The following CDK14 variants were observed in gnomAD, a reference collection of about 807,000 sequenced individuals.
CDK14 encodes cyclin-dependent kinase 14.
CDK14 carries 34 observed loss-of-function variants against 60.7 expected under a neutral mutation model. The ratio of observed to expected loss-of-function variants is 0.56; its 90% CI spans 0.43 to 0.75. CDK14 has a LOEUF of 0.75. CDK14 is among the 30% of genes least tolerant of loss of function. The pLI is 0.00. For synonymous variants in CDK14, 197 were observed against 203.7 expected (o/e 0.97, Z 0.28); for missense variants, 482 against 564.1 (o/e 0.85, Z 1.47).
chr7:90,810,312 C>G (rs1216531393), intron 5 of CDK14, among the ~76,000 whole-genome samples: 1 of 152,074 alleles, frequency 6.6e-6, no homozygotes. Flanking sequence ...AAGGCTGGTT[C>G]AACATATGCA....
At chr7:90,849,774 G>C (rs1332746888) in intron 5 of CDK14, among the ~76,000 whole-genome samples, 2 of 151,910 alleles carry the variant, frequency 1.3e-5, no homozygotes, top group Non-Finnish European at 2.9e-5. Context: ...TACTGCACAG[G>C]GTACTTAAAC....
Position 90,984,228 on chromosome 7 carries a change from A to C in CDK14, c.1028A>C (p.Glu343Ala). 1 of 1,609,418 alleles carries C rather than the reference A, an allele frequency of 6.2e-7. No homozygotes were observed. Among genetic ancestry groups the C allele is most frequent in the Non-Finnish European group, 8.5e-7 (1 of 1,175,702 alleles). The change falls in exon 10 of 15, where the codon GAA becomes GCA. Residue 343 changes from glutamate to alanine, a missense_variant. Transcript: ENST00000380050. The part of the protein sequence containing the change: ...PGMKDIQDQL[E>A]RIFLVLGTPN... The stretch of plus-strand genomic sequence containing the variant: ...ATGAAAGACATTCAGGATCAACTTG[A>C]ACGAATATTTCTGGTAAGTCCTTTA...
intron 12 of CDK14, among the ~76,000 whole-genome samples, chr7:91,088,632 G>T (rs896522729): frequency 2.0e-5 from 3 of 151,216 alleles, no homozygotes; most frequent in African/African-American, 7.3e-5. Flanking sequence ...CAAATGAATA[G>T]AAATATTAAA....
chr7:90,740,270 T>TATATAG (rs1554325107), intron 3 of CDK14, among the ~76,000 whole-genome samples: 10 of 140,036 alleles, frequency 7.1e-5, no homozygotes, highest in African/African-American at 2.1e-4. Context: ...TATATATATA[T>TATATAG]AGAGAGAGAG....
At chr7:90,915,527 C>T (rs960554340) in intron 7 of CDK14, among the ~76,000 whole-genome samples, 6 of 152,180 alleles carry the variant, frequency 3.9e-5, no homozygotes, top group African/African-American at 1.4e-4. Flanking sequence ...AATGCCTGAG[C>T]CCCTCAGTTG....
intron 10 of CDK14, among the ~76,000 whole-genome samples, chr7:91,005,845 G>C (rs1354868784): frequency 1.3e-5 from 2 of 152,244 alleles, no homozygotes; most frequent in African/African-American, 4.8e-5. Context: ...AGCTGGAGGA[G>C]ACCGTTCCTT....
rs372526993 is a variant in CDK14 at position 90,898,073 on chromosome 7, A to C, written c.640-1218A>C. The stretch of plus-strand genomic sequence containing the variant: ...TTCTTTCATTCTCTACTCATGTCTT[A>C]CTTAGAAGTAACTTCTTCCAGAGAC... On this transcript the variant is annotated intron_variant, in intron 6 of 14. Coordinates refer to ENST00000380050, the MANE Select transcript of CDK14 (RefSeq NM_001287135.2). 2.6e-5 allele frequency among the ~76,000 whole-genome samples: 4 copies of C among 152,138 alleles called. No homozygotes were observed. The East Asian group carries it at 5.8e-4, about 22-fold the overall frequency.
At chr7:91,169,298 G>A (rs557705055) in intron 14 of CDK14, among the ~76,000 whole-genome samples, 1 of 152,224 alleles carries the variant, frequency 6.6e-6, no homozygotes, top group South Asian at 2.1e-4. Context: ...GATGTTGATG[G>A]AACCCCATGA....
intron 2 of CDK14, among the ~76,000 whole-genome samples, chr7:90,651,458 T>C (rs1394826314): frequency 6.6e-6 from 1 of 152,198 alleles, no homozygotes; most frequent in Non-Finnish European, 1.5e-5. Flanking sequence ...TTTCTGCTTC[T>C]AGCAGTTACT....
intron 2 of CDK14, among the ~76,000 whole-genome samples, chr7:90,639,789 G>C (rs979103980): frequency 2.6e-4 from 40 of 151,972 alleles, no homozygotes; most frequent in Non-Finnish European, 4.9e-4. Context: ...GAGCTTCCCG[G>C]CTGCTTTGTT....
At chr7:90,691,325 G>C (rs143686035) in intron 2 of CDK14, among the ~76,000 whole-genome samples, 6 of 152,200 alleles carry the variant, frequency 3.9e-5, no homozygotes, top group South Asian at 4.2e-4. Context: ...TAAAGAGAAG[G>C]GGGGTATAGG....
intron 2 of CDK14, among the ~76,000 whole-genome samples, chr7:90,629,723 A>G (rs1319725866): frequency 6.6e-6 from 1 of 152,138 alleles, no homozygotes; most frequent in African/African-American, 2.4e-5. Context: ...ATTTGTAATT[A>G]CCTAAACCAA....
At chr7:90,947,518 A>G (rs1006374406) in intron 8 of CDK14, among the ~76,000 whole-genome samples, 2 of 152,232 alleles carry the variant, frequency 1.3e-5, no homozygotes, top group Non-Finnish European at 2.9e-5. Context: ...TGTAACCATT[A>G]AATGATATAA....
At chr7:91,090,249 C>T (rs1435292894) in intron 12 of CDK14, among the ~76,000 whole-genome samples, 1 of 152,096 alleles carries the variant, frequency 6.6e-6, no homozygotes, top group Non-Finnish European at 1.5e-5. Flanking sequence ...GGCAAATCCT[C>T]CCATTGTGTG....
At chr7:91,148,565 C>A (rs1384450941) in intron 14 of CDK14, among the ~76,000 whole-genome samples, 1 of 152,068 alleles carries the variant, frequency 6.6e-6, no homozygotes, top group Non-Finnish European at 1.5e-5. Context: ...TACAGCCTGA[C>A]CTAGATGTTT....
chr7:91,045,185 A>G (rs1256779197), intron 10 of CDK14, among the ~76,000 whole-genome samples: 1 of 152,294 alleles, frequency 6.6e-6, no homozygotes. Context: ...CATTGAGTGT[A>G]AGAGCCATAG....
At chr7:91,160,078 G>A (rs1304040826) in intron 14 of CDK14, among the ~76,000 whole-genome samples, 2 of 152,140 alleles carry the variant, frequency 1.3e-5, no homozygotes, top group Admixed American at 6.5e-5. Flanking sequence ...TTATACTTAG[G>A]AATGTGATCC....
intron 14 of CDK14, among the ~76,000 whole-genome samples, chr7:91,142,827 T>G (rs990441214): frequency 3.3e-5 from 5 of 152,164 alleles, no homozygotes; most frequent in Admixed American, 1.3e-4. Context: ...AAGATCTCCT[T>G]GAAAATAAGT....
chr7:90,636,044 T>C (rs377149891), intron 2 of CDK14, among the ~76,000 whole-genome samples: 1 of 150,798 alleles, frequency 6.6e-6, no homozygotes, highest in Non-Finnish European at 1.5e-5. Flanking sequence ...GCTGAGACAA[T>C]GGGGTTTTCT....
Sources: gnomAD v4.1 joint callset for allele counts (sites outside exome capture counted in the v4.1 genomes callset) on GRCh38, gnomAD v4.1.1 for gene constraint, MANE v1.5 for transcripts, NCBI Gene and HGNC (gene_info 2026-07-23, HGNC 2026-07-21) for gene names.